The following ABCA4 variants were observed in gnomAD, a reference collection of about 807,000 sequenced individuals.
The protein encoded by ABCA4 is ATP binding cassette subfamily A member 4, also known as retinal-specific phospholipid-transporting ATPase ABCA4.
Under a neutral mutation model 263.7 loss-of-function variants are expected in ABCA4, and 196 were observed. The ratio of observed to expected loss-of-function variants is 0.74; its 90% CI spans 0.66 to 0.84. The LOEUF (loss-of-function observed/expected upper bound fraction) is 0.84, where lower values mean the gene tolerates loss of function less well. Ranked by LOEUF, ABCA4 falls within the 40% of genes least tolerant of loss-of-function variation. The pLI, the probability that ABCA4 is intolerant of heterozygous loss-of-function variation, is 0.00. For synonymous variants in ABCA4, 1,133 were observed against 1,094.2 expected (o/e 1.04, Z -0.70); for missense variants, 2,792 against 2,855.1 (o/e 0.98, Z 0.50).
At chr1:94,113,156 C>A in intron 1 of ABCA4, 90 bp from the exon 2 acceptor site, 2 of 1,224,046 alleles carry the variant, frequency 1.6e-6, no homozygotes, top group Admixed American at 1.8e-5. Flanking sequence ...CTCCTCAGAT[C>A]CCATGTGTGC....
chr1:94,091,235 C>T (rs184929329), intron 6 of ABCA4, among the ~76,000 whole-genome samples: 19 of 152,244 alleles, frequency 1.2e-4, no homozygotes, highest in African/African-American at 3.4e-4. Context: ...GCTCCAGTTA[C>T]GTGCCTGGTG....
chr1:94,058,979 T>C (rs896238422), intron 14 of ABCA4, among the ~76,000 whole-genome samples: 1 of 152,234 alleles, frequency 6.6e-6, no homozygotes, highest in Admixed American at 6.5e-5. Flanking sequence ...AAGCCCTGTT[T>C]CCGTCATCAC....
Position 94,121,103 on chromosome 1 carries a change from G to C in ABCA4, c.-58C>G. On this transcript the variant is annotated 5_prime_UTR_variant, in exon 1 of 50. Coordinates refer to ENST00000370225, the MANE Select transcript of ABCA4 (RefSeq NM_000350.3). The stretch of plus-strand genomic sequence containing the variant: ...AGCTGAGGCCCCTCAGACAGCAAAG[G>C]ACATAAACGCCGTTAAGAGCGCCTC... 1 of 1,540,850 alleles carries C rather than the reference G, an allele frequency of 6.5e-7. No homozygotes were observed. The highest frequency in any genetic ancestry group is 9.0e-7 in the Non-Finnish European group (1 of 1,113,248).
chr1:94,065,883 G>A (rs3789406), intron 11 of ABCA4, among the ~76,000 whole-genome samples: 45,895 of 152,038 alleles, frequency 0.3, 7,412 homozygotes, highest in East Asian at 0.68. Flanking sequence ...AATGGAATTG[G>A]TATTTCTTTA....
intron 28 of ABCA4, 54 bp from the exon 29 acceptor site, chr1:94,030,580 G>A: frequency 1.3e-6 from 2 of 1,498,970 alleles, no homozygotes; most frequent in Non-Finnish European, 1.9e-6. Flanking sequence ...CCAACATCAT[G>A]CAACTCAGAG....
At position 94,046,472 on chromosome 1, in the gene ABCA4, A is replaced by AAG. The variant is rs565446104; in HGVS notation, c.2918+446_2918+447insCT. Among the ~76,000 whole-genome samples the AAG allele has an allele frequency of 1.8e-4, 27 of 148,724 alleles. 2 individuals are homozygous for AAG. Among genetic ancestry groups the AAG allele is most frequent in the South Asian group, 1.3e-3 (6 of 4,668 alleles). On this transcript the variant is annotated intron_variant, in intron 19 of 49. Coordinates refer to ENST00000370225, the MANE Select transcript of ABCA4 (RefSeq NM_000350.3). Reference sequence around the variant, plus strand: ...TACTATCTCAAAAAAAAAAAAAAAAAAAAAGAAAAGAAAAGAGAAAGGAAA... The same window carrying AAG: ...TACTATCTCAAAAAAAAAAAAAAAAAAGAAAAGAAAAGAAAAGAGAAAGGAAA...
At chr1:94,100,552 G>C (rs538200493) in intron 5 of ABCA4, among the ~76,000 whole-genome samples, 3 of 152,138 alleles carry the variant, frequency 2.0e-5, no homozygotes, top group Non-Finnish European at 2.9e-5. Flanking sequence ...GACAAAGAAG[G>C]GTGGGTTTAT....
chr1:94,035,277 A>G (rs1660308594), intron 26 of ABCA4, among the ~76,000 whole-genome samples: 2 of 152,258 alleles, frequency 1.3e-5, no homozygotes, highest in African/African-American at 4.8e-5. Context: ...GTCTTGGTTA[A>G]TATGAGTCTT....
chr1:94,036,930 T>C, intron 25 of ABCA4, 142 bp from the exon 26 acceptor site: 1 of 968,568 alleles, frequency 1.0e-6, no homozygotes, highest in Non-Finnish European at 1.6e-6. Context: ...TCATCTTCTA[T>C]AAATACAAAA....
chr1:94,056,724 G>A lies in ABCA4; in HGVS notation c.2259C>T (p.Thr753=). Residue 753 remains threonine, a synonymous_variant, in exon 15 of 50, where the codon ACC becomes ACT. Coordinates refer to ENST00000370225, the MANE Select transcript of ABCA4 (RefSeq NM_000350.3). ...CTGCCAGACTGGCCTTGGAGAAGAA[G>A]GTGCTGAGCAGAAAGCACAGCATGA... ...ATIMLCFLLS[T]FFSKASLAAA... 6.2e-7 allele frequency: 1 copy of A among 1,614,056 alleles called. No homozygotes were observed. Among genetic ancestry groups the A allele is most frequent in the East Asian group, 2.2e-5 (1 of 44,866 alleles).
chr1:94,083,825 C>T (rs905626175), intron 6 of ABCA4, among the ~76,000 whole-genome samples: 1 of 152,184 alleles, frequency 6.6e-6, no homozygotes, highest in African/African-American at 2.4e-5. Flanking sequence ...CTGTTCACCT[C>T]GGAGCTTTGT....
At position 94,037,273 on chromosome 1, in the gene ABCA4, G is replaced by A. The variant is rs149849017; in HGVS notation, c.3685C>T (p.Leu1229Phe). Residue 1229 changes from leucine to phenylalanine, a missense_variant, in exon 25 of 50, where the codon CTT (leucine) becomes TTT (phenylalanine). Leu to Phe is a conservative substitution (Grantham distance 22). Transcript: ENST00000370225. ...TTCTTATTTGGAAGAAGGAAGATAA[G>A]TTCTTGACCAATGCACTCCACCAGC... Reference protein sequence around the residue: ...AKLVECIGQELIFLLPNKNFK... With the variant: ...AKLVECIGQEFIFLLPNKNFK... 2.5e-6 allele frequency: 4 copies of A among 1,614,112 alleles called. No homozygotes were observed. Among genetic ancestry groups the A allele is most frequent in the Non-Finnish European group, 3.4e-6 (4 of 1,180,046 alleles).
Position 94,098,914 on chromosome 1 carries a change from G to A in ABCA4, c.648C>T (p.Phe216=). ...CCGTCTTTGCCCCGCGTCTCTGGCT[G>A]AAGATGATGAAGCGCTCCAGGAGGG... is the stretch of plus-strand genomic sequence containing the variant. ...SEALLERFII[F]SQRRGAKTVR... The change falls in exon 6 of 50, where the codon TTC becomes TTT. Residue 216 remains phenylalanine (F), a synonymous_variant. Transcript: ENST00000370225. The A allele has an allele frequency of 6.2e-7, 1 of 1,613,824 alleles. No homozygotes were observed. The highest frequency in any genetic ancestry group is 8.5e-7 in the Non-Finnish European group (1 of 1,180,036).
chr1:94,114,412 T>C (rs963732829), intron 1 of ABCA4, among the ~76,000 whole-genome samples: 2 of 152,092 alleles, frequency 1.3e-5, no homozygotes, highest in Non-Finnish European at 2.9e-5. Flanking sequence ...AAAATATATA[T>C]AGGGAGGATG....
rs1009372569 is a variant in ABCA4, at chr1:94,055,826, C to T, written c.2383-511G>A. ...CCTCTGGAGCCTAATAAGTGTGAGT[C>T]GTGAGAACAAGTCAGACTTTCTGTC... On this transcript the variant is annotated intron_variant, in intron 15 of 49. Transcript: ENST00000370225. Among the ~76,000 whole-genome samples the T allele has an allele frequency of 2.6e-5, 4 of 152,154 alleles. No individual in the cohort carries two copies. The South Asian group carries it at 6.2e-4, about 24-fold the overall frequency.
intron 1 of ABCA4, among the ~76,000 whole-genome samples, chr1:94,115,794 G>A (rs1662743152): frequency 6.6e-6 from 1 of 152,196 alleles, no homozygotes; most frequent in Admixed American, 6.5e-5. Flanking sequence ...TAAGGAGACA[G>A]AATTAAGCTT....
intron 1 of ABCA4, among the ~76,000 whole-genome samples, chr1:94,116,726 C>T (rs1021210793): frequency 2.0e-5 from 3 of 152,120 alleles, no homozygotes; most frequent in Admixed American, 6.5e-5. Context: ...CTGTCCTTGA[C>T]GCTTAACTGC....
chr1:94,108,298 C>G (rs1570430525), intron 4 of ABCA4, among the ~76,000 whole-genome samples: 1 of 152,162 alleles, frequency 6.6e-6, no homozygotes, highest in Non-Finnish European at 1.5e-5. Flanking sequence ...CTTGACCTAG[C>G]CTCATACTTC....
At chr1:94,090,033 C>T (rs914701496) in intron 6 of ABCA4, among the ~76,000 whole-genome samples, 2 of 152,164 alleles carry the variant, frequency 1.3e-5, no homozygotes, top group South Asian at 2.1e-4. Context: ...CTCCCACACC[C>T]ACACTCACTC....
Sources: gnomAD v4.1 joint callset for allele counts (sites outside exome capture counted in the v4.1 genomes callset) on GRCh38, gnomAD v4.1.1 for gene constraint, MANE v1.5 for transcripts, NCBI Gene and HGNC (gene_info 2026-07-23, HGNC 2026-07-21) for gene names.